Variants in ZC3H11C observed in about 807,000 individuals in gnomAD.
ZC3H11C encodes the protein zinc finger CCCH-type containing 11C.
chr6:65,305,260 C>G, the ZC3H11C span, among the ~76,000 whole-genome samples: 4 of 152,194 alleles, frequency 2.6e-5, no homozygotes, highest in East Asian at 7.7e-4. Context: ...TGCAAGCAAA[C>G]TTAGTGACTC....
the ZC3H11C span, chr6:65,303,120 C>G: frequency 1.3e-6 from 1 of 769,864 alleles, no homozygotes; most frequent in East Asian, 2.7e-5. Context: ...GTCCGGAAAC[C>G]TGCAGTCAAT....
the ZC3H11C span, among the ~76,000 whole-genome samples, chr6:65,305,795 T>C: frequency 6.6e-6 from 1 of 152,214 alleles, no homozygotes; most frequent in South Asian, 2.1e-4. Flanking sequence ...AAAATATGGT[T>C]AATTTTTTAT....
At chr6:65,304,753 TG>T in the ZC3H11C span, 1 of 183,880 alleles carries the variant, frequency 5.4e-6, no homozygotes, top group Non-Finnish European at 1.0e-5. Context: ...CGGAGGTGTC[TG>T]GCCCTTCCTC....
chr6:65,306,451 G>A, the ZC3H11C span, among the ~76,000 whole-genome samples: 2 of 152,022 alleles, frequency 1.3e-5, no homozygotes, highest in East Asian at 1.9e-4. Flanking sequence ...GGGGTAGAAT[G>A]TTCAGGTTTC....
At chr6:65,306,086 A>G in the ZC3H11C span, among the ~76,000 whole-genome samples, 13 of 152,318 alleles carry the variant, frequency 8.5e-5, no homozygotes, top group African/African-American at 3.1e-4. Flanking sequence ...TGGAAATAAT[A>G]GTCTTGAAAG....
chr6:65,301,568 G>A, the ZC3H11C span, among the ~76,000 whole-genome samples: 28 of 152,320 alleles, frequency 1.8e-4, no homozygotes, highest in East Asian at 4.2e-3. Flanking sequence ...AGCGGGAGTC[G>A]GGGATAGTGT....
At chr6:65,306,466 C>T in the ZC3H11C span, among the ~76,000 whole-genome samples, 4 of 152,054 alleles carry the variant, frequency 2.6e-5, no homozygotes, top group South Asian at 2.1e-4. Context: ...GGTTTCACCA[C>T]GGATTTTCTA....
At chr6:65,302,021 A>G in the ZC3H11C span, among the ~76,000 whole-genome samples, 13 of 152,374 alleles carry the variant, frequency 8.5e-5, no homozygotes, top group Non-Finnish European at 1.8e-4. Flanking sequence ...TGTTTTTCAG[A>G]TTATATTGTT....
chr6:65,301,701 A>G, the ZC3H11C span, among the ~76,000 whole-genome samples: 10 of 152,262 alleles, frequency 6.6e-5, no homozygotes, highest in Non-Finnish European at 1.3e-4. Flanking sequence ...CCTGGCCCTC[A>G]GCGTGGGAGT....
the ZC3H11C span, chr6:65,303,492 A>T: frequency 7.4e-7 from 1 of 1,352,106 alleles, no homozygotes; most frequent in Non-Finnish European, 1.1e-6. Context: ...ACACCAAAGA[A>T]AGCTCAAGTT....
chr6:65,305,524 T>C, the ZC3H11C span, among the ~76,000 whole-genome samples: 9 of 152,188 alleles, frequency 5.9e-5, no homozygotes, highest in Admixed American at 5.9e-4. Context: ...AATGTGGGCA[T>C]AACTCTTTGG....
the ZC3H11C span, among the ~76,000 whole-genome samples, chr6:65,301,725 G>C: frequency 1.3e-5 from 2 of 152,228 alleles, no homozygotes; most frequent in African/African-American, 4.8e-5. Flanking sequence ...GAGCAACAGG[G>C]ACACTTCCGT....
At chr6:65,306,386 C>T in the ZC3H11C span, among the ~76,000 whole-genome samples, 3 of 152,196 alleles carry the variant, frequency 2.0e-5, no homozygotes, top group Non-Finnish European at 4.4e-5. Flanking sequence ...CGACACACCT[C>T]TACCAATCCA....
the ZC3H11C span, among the ~76,000 whole-genome samples, chr6:65,305,871 A>G: frequency 1.3e-5 from 2 of 152,116 alleles, no homozygotes; most frequent in African/African-American, 2.4e-5. Flanking sequence ...CACCTGAGGG[A>G]AAAAATGAGC....
At chr6:65,306,252 G>C in the ZC3H11C span, among the ~76,000 whole-genome samples, 1 of 152,210 alleles carries the variant, frequency 6.6e-6, no homozygotes, top group Non-Finnish European at 1.5e-5. Context: ...GGCTCATCAA[G>C]AGTTGAACTT....
At chr6:65,306,321 CTTGTTAAGATTGGG>C in the ZC3H11C span, among the ~76,000 whole-genome samples, 1 of 152,174 alleles carries the variant, frequency 6.6e-6, no homozygotes, top group South Asian at 2.1e-4. Context: ...CCCATTCAGT[CTTGTTAAGATTGGG>C]ATGATTCTGC....
At chr6:65,305,443 G>T in the ZC3H11C span, among the ~76,000 whole-genome samples, 1 of 152,304 alleles carries the variant, frequency 6.6e-6, no homozygotes, top group East Asian at 1.9e-4. Context: ...GTGTTAGATT[G>T]TATGTCTTTT....
At chr6:65,305,846 G>A in the ZC3H11C span, among the ~76,000 whole-genome samples, 1 of 152,050 alleles carries the variant, frequency 6.6e-6, no homozygotes, top group Non-Finnish European at 1.5e-5. Context: ...CAGTATTTAT[G>A]TGGTGGCCTT....
chr6:65,306,504 A>G, the ZC3H11C span, among the ~76,000 whole-genome samples: 1 of 152,180 alleles, frequency 6.6e-6, no homozygotes, highest in African/African-American at 2.4e-5. Context: ...ATCAGCTTAC[A>G]GATTCCAGGT....
Sources: gnomAD v4.1 joint callset for allele counts (sites outside exome capture counted in the v4.1 genomes callset) on GRCh38, gnomAD v4.1.1 for gene constraint, MANE v1.5 for transcripts, NCBI Gene and HGNC (gene_info 2026-07-23, HGNC 2026-07-21) for gene names.